Variants in CPA6 observed in about 807,000 individuals in gnomAD.
The protein encoded by CPA6 is carboxypeptidase B.
Under a neutral mutation model 63.3 loss-of-function variants are expected in CPA6, and 58 were observed. The observed-to-expected ratio is 0.92, with a 90% CI of 0.74 to 1.14. The LOEUF is 1.14. Among genes scored for constraint, CPA6 ranks in the 50% most tolerant of loss-of-function variants. The pLI, the probability that CPA6 is intolerant of heterozygous loss-of-function variation, is 0.00. For missense variants in CPA6, 565 were observed against 526.6 expected (o/e 1.07, Z -0.71); for synonymous variants, 185 against 179.0 (o/e 1.03, Z -0.27).
chr8:67,485,306 T>A (rs1563972179), intron 6 of CPA6, among the ~76,000 whole-genome samples: 1 of 152,198 alleles, frequency 6.6e-6, no homozygotes, highest in Non-Finnish European at 1.5e-5. Flanking sequence ...ATTATGATAT[T>A]ATGAACAAAA....
chr8:67,633,410 G>A (rs1815388672), intron 1 of CPA6, among the ~76,000 whole-genome samples: 3 of 151,972 alleles, frequency 2.0e-5, no homozygotes, highest in Admixed American at 6.6e-5. Flanking sequence ...GGCCGGGCGC[G>A]TTGGCTCACG....
At chr8:67,446,577 T>C (rs1376744776) in intron 8 of CPA6, among the ~76,000 whole-genome samples, 2 of 152,138 alleles carry the variant, frequency 1.3e-5, no homozygotes, top group African/African-American at 2.4e-5. Context: ...AGCAGAAATA[T>C]TTGGTTTTAT....
At chr8:67,644,319 C>A (rs1009454633) in intron 1 of CPA6, among the ~76,000 whole-genome samples, 8 of 152,162 alleles carry the variant, frequency 5.3e-5, no homozygotes, top group Admixed American at 1.3e-4. Context: ...GGCGTTTCAC[C>A]ATGTTAGCCA....
chr8:67,534,996 A>T (rs1443455070), intron 2 of CPA6, among the ~76,000 whole-genome samples: 1 of 152,124 alleles, frequency 6.6e-6, no homozygotes, highest in Non-Finnish European at 1.5e-5. Flanking sequence ...ACTGCTGAGA[A>T]TGATGGTTTC....
intron 2 of CPA6, among the ~76,000 whole-genome samples, chr8:67,545,932 T>C (rs1476865890): frequency 6.6e-6 from 1 of 152,040 alleles, no homozygotes; most frequent in East Asian, 1.9e-4. Flanking sequence ...GAAGATAAAG[T>C]CCAAACTCCT....
At chr8:67,559,776 A>T (rs894994109) in intron 2 of CPA6, among the ~76,000 whole-genome samples, 2 of 152,014 alleles carry the variant, frequency 1.3e-5, no homozygotes, top group African/African-American at 4.8e-5. Context: ...GAAGGCAACA[A>T]GATGGGAAAT....
chr8:67,653,925 T>C (rs1382060119), intron 1 of CPA6, among the ~76,000 whole-genome samples: 4 of 151,594 alleles, frequency 2.6e-5, no homozygotes, highest in African/African-American at 7.3e-5. Context: ...CATCAATACC[T>C]AATTTATTGA....
chr8:67,619,381 A>T (rs1455275001), intron 2 of CPA6, among the ~76,000 whole-genome samples: 1 of 152,200 alleles, frequency 6.6e-6, no homozygotes, highest in African/African-American at 2.4e-5. Context: ...TGCAGGTCAG[A>T]AGTCCCGACA....
chr8:67,712,055 T>C (rs1314336162), intron 1 of CPA6, among the ~76,000 whole-genome samples: 1 of 152,162 alleles, frequency 6.6e-6, no homozygotes, highest in African/African-American at 2.4e-5. Flanking sequence ...GGCCTAAGTC[T>C]GCAGTGACCC....
chr8:67,653,568 T>C (rs940351916), intron 1 of CPA6, among the ~76,000 whole-genome samples: 38 of 151,492 alleles, frequency 2.5e-4, no homozygotes, highest in East Asian at 3.9e-4. Flanking sequence ...TATAAGAATG[T>C]TTGTGATTTT....
intron 8 of CPA6, among the ~76,000 whole-genome samples, chr8:67,459,549 A>G (rs1209239955): frequency 6.6e-6 from 1 of 152,206 alleles, no homozygotes; most frequent in African/African-American, 2.4e-5. Flanking sequence ...ACTAGATGAC[A>G]TTCTGGAAAA....
intron 1 of CPA6, among the ~76,000 whole-genome samples, chr8:67,687,964 T>C (rs920963739): frequency 2.0e-5 from 3 of 152,114 alleles, no homozygotes; most frequent in Admixed American, 1.3e-4. Flanking sequence ...TTACATTTAT[T>C]AAAAATGATC....
intron 4 of CPA6, among the ~76,000 whole-genome samples, chr8:67,509,922 T>C (rs530255923): frequency 1.8e-4 from 27 of 152,310 alleles, no homozygotes; most frequent in African/African-American, 6.5e-4. Context: ...AATTGATGTG[T>C]TCTAGTTTTT....
chr8:67,471,644 T>A (rs937558933), intron 8 of CPA6, among the ~76,000 whole-genome samples: 2 of 152,204 alleles, frequency 1.3e-5, no homozygotes, highest in Non-Finnish European at 2.9e-5. Context: ...CTGTCTCTTG[T>A]CATTATTCAG....
intron 1 of CPA6, among the ~76,000 whole-genome samples, chr8:67,633,362 C>A (rs912229771): frequency 6.6e-6 from 1 of 151,974 alleles, no homozygotes; most frequent in Non-Finnish European, 1.5e-5. Context: ...GTTCTTATTG[C>A]CCTTTTCTTC....
intron 1 of CPA6, among the ~76,000 whole-genome samples, chr8:67,704,910 G>T (rs1817099831): frequency 6.6e-6 from 1 of 152,138 alleles, no homozygotes; most frequent in Non-Finnish European, 1.5e-5. Context: ...AATTATAAAA[G>T]TCGGCCTTAG....
intron 1 of CPA6, among the ~76,000 whole-genome samples, chr8:67,670,962 C>T (rs923040926): frequency 6.6e-6 from 1 of 152,218 alleles, no homozygotes; most frequent in African/African-American, 2.4e-5. Context: ...CATCTGTAGA[C>T]ACAAACACAT....
intron 2 of CPA6, among the ~76,000 whole-genome samples, chr8:67,552,774 CAAAAAA>C (rs762395117): frequency 9.6e-5 from 2 of 20,932 alleles, no homozygotes; most frequent in Non-Finnish European, 1.7e-4. Flanking sequence ...AAGACTGTCT[CAAAAAA>C]AAAAAAAAAA....
chr8:67,727,780 T>C (rs554514199), intron 1 of CPA6, among the ~76,000 whole-genome samples: 1 of 152,310 alleles, frequency 6.6e-6, no homozygotes, highest in South Asian at 2.1e-4. Context: ...ATTAGAATCA[T>C]TTAAAAACTA....
Sources: gnomAD v4.1 joint callset for allele counts (sites outside exome capture counted in the v4.1 genomes callset) on GRCh38, gnomAD v4.1.1 for gene constraint, MANE v1.5 for transcripts, NCBI Gene and HGNC (gene_info 2026-07-23, HGNC 2026-07-21) for gene names.